The following MBD6 variants were observed in gnomAD, a reference collection of about 807,000 sequenced individuals.
MBD6 encodes the protein methyl-CpG binding domain protein 6, also known as methyl-CpG-binding domain protein 6.
A neutral mutation model predicts 66.8 loss-of-function variants in MBD6; 22 were observed. The ratio of observed to expected loss-of-function variants is 0.33; its 90% CI spans 0.24 to 0.47. The LOEUF (loss-of-function observed/expected upper bound fraction) is 0.47. Ranked by LOEUF, MBD6 falls within the 20% of genes least tolerant of loss-of-function variation. MBD6 has a pLI of 1.00. For synonymous variants in MBD6, 540 were observed against 534.6 expected, an observed-to-expected ratio of 1.01 and a Z score of -0.14; for missense variants, 1,322 against 1,286.9, an observed-to-expected ratio of 1.03 and a Z score of -0.42.
At chr12:57,522,262 T>C (rs771786790), upstream of MBD6, among the ~76,000 whole-genome samples, 2 of 152,208 alleles carry the variant, frequency 1.3e-5, no homozygotes, top group Non-Finnish European at 2.9e-5. Flanking sequence ...TGGTCTCCCC[T>C]GGCCTAAAGA....
chr12:57,527,211 C>T lies in MBD6; in HGVS notation c.2066C>T (p.Ser689Leu), dbSNP rs368214658. Residue 689 changes from serine to leucine, a missense_variant, in exon 7 of 13, where the codon TCG becomes TTG. Ser to Leu is a moderately radical substitution (Grantham distance 145). Coordinates refer to ENST00000355673, the MANE Select transcript of MBD6 (RefSeq NM_052897.4). ...CTGGCTGCCACCCTGGATCCCCCCT[C>T]GGGGACACCCCCCCAGGTGAGGATG... ...ALLAATLDPP[S>L]GTPPQPCVLS... is the part of the protein sequence containing the mutation. 34 of 1,508,974 alleles carry T rather than the reference C, an allele frequency of 2.3e-5. No individual in the cohort carries two copies. The highest frequency in any genetic ancestry group is 1.8e-4 in the Middle Eastern group (1 of 5,480). 93.5% of individuals were successfully genotyped at this position (1,508,974 alleles called of 1,614,324 possible).
chr12:57,526,008 G>C lies in MBD6; in HGVS notation c.1040G>C (p.Arg347Pro). Residue 347 changes from arginine to proline, a missense_variant, in exon 6 of 13, where the codon CGT becomes CCT. By Grantham distance (103) the Arg-to-Pro change is moderately radical. Transcript: ENST00000355673. ...PPSTLQGRRP[R>P]AQAPSASHSS... is the part of the protein sequence containing the mutation. ...AGCACTTTACAGGGCCGAAGGCCCC[G>C]TGCCCAGGCACCCTCAGCTTCCCAC... 6.2e-7 allele frequency: 1 copy of C among 1,610,546 alleles called. No individual in the cohort carries two copies. The highest frequency in any genetic ancestry group is 8.5e-7 in the Non-Finnish European group (1 of 1,179,428).
intron 2 of MBD6, 49 bp downstream of exon 2, chr12:57,524,141 AG>A: frequency 2.1e-6 from 1 of 473,966 alleles, no homozygotes. Context: ...CTCCCAGCTG[AG>A]GGGTTCCCCT....
chr12:57,525,284 A>G (rs1192072946), intron 5 of MBD6, 64 bp from the exon 6 acceptor site: 1 of 1,510,972 alleles, frequency 6.6e-7, no homozygotes, highest in Non-Finnish European at 8.9e-7. Context: ...ATGGGACTAG[A>G]GAAGACAAAA....
rs201796074 is a variant in MBD6, at chr12:57,528,310, G to A, written c.2570G>A (p.Arg857Gln). ...CTCACTGGGAGGGGGTCAGGGAAAC[G>A]GGGCCGGAGGGGAGGAGGGGGACTT... Reference protein sequence around the residue: ...ELLTGRGSGKRGRRGGGGLRG... With the variant: ...ELLTGRGSGKQGRRGGGGLRG... The change falls in exon 10 of 13, where the codon CGG becomes CAG. Residue 857 changes from arginine (R) to glutamine (Q), a missense_variant. Transcript: ENST00000355673. 1.5e-5 allele frequency: 24 copies of A among 1,606,412 alleles called. No individual in the cohort carries two copies. Among genetic ancestry groups the A allele is most frequent in the East Asian group, 2.2e-5 (1 of 44,788 alleles).
At position 57,527,350 on chromosome 12, in the gene MBD6, T is replaced by A. The variant is rs558014085; in HGVS notation, c.2082+123T>A. On this transcript the variant is annotated intron_variant, in intron 7 of 12. Coordinates refer to ENST00000355673, the MANE Select transcript of MBD6 (RefSeq NM_052897.4). ...TTGGGGCCTTTGGGGAGGCCTTAGT[T>A]CTTGGCTGGGGGTAGGATGACTGCA... The A allele has an allele frequency of 2.5e-4, 284 of 1,155,138 alleles. No homozygotes were observed. The African/African-American group carries it at 4.0e-3, about 16-fold the overall frequency. 71.6% of individuals were successfully genotyped at this position (1,155,138 alleles called of 1,614,324 possible). A position where few individuals can be genotyped will look rare whatever the true frequency, so the allele number is the denominator to read the frequency against.
In MBD6 at chr12:57,528,387, C is replaced by T. The variant is rs369607548; in HGVS notation, c.2647C>T (p.Arg883Trp). ...RPARGRKPGS[R>W]REPGRLALKW... Reference sequence around the variant, plus strand: ...AGCCCGGGGCCGAAAGCCTGGCAGCCGGCGGGAGCCTGGCCGACTGGCCCT... The same window carrying T: ...AGCCCGGGGCCGAAAGCCTGGCAGCTGGCGGGAGCCTGGCCGACTGGCCCT... The change falls in exon 10 of 13, where the codon CGG (arginine) becomes TGG (tryptophan). Residue 883 changes from arginine to tryptophan, a missense_variant. By Grantham distance (101) the Arg-to-Trp change is moderately radical. Coordinates refer to ENST00000355673, the MANE Select transcript of MBD6 (RefSeq NM_052897.4). 452 of 1,612,784 alleles carry T rather than the reference C, an allele frequency of 2.8e-4. No individual in the cohort carries two copies. The highest frequency in any genetic ancestry group is 3.6e-4 in the Non-Finnish European group (424 of 1,179,856).
intron 9 of MBD6, 44 bp from the exon 10 acceptor site, chr12:57,528,103 G>A (rs780400666): frequency 6.5e-6 from 10 of 1,548,174 alleles, no homozygotes; most frequent in Non-Finnish European, 5.2e-6. Flanking sequence ...GTAGAAGAGG[G>A]ACGGTATTTG....
rs746220579 is a variant in MBD6 at position 57,527,949 on chromosome 12, G to C, written c.2338G>C (p.Gly780Arg). The C allele has an allele frequency of 2.5e-5, 39 of 1,587,012 alleles. No homozygotes were observed. Among genetic ancestry groups the C allele is most frequent in the South Asian group, 1.5e-4 (13 of 87,512 alleles). Residue 780 changes from glycine (G) to arginine (R), a missense_variant, in exon 9 of 13, where the codon GGG becomes CGG. Coordinates refer to ENST00000355673, the MANE Select transcript of MBD6 (RefSeq NM_052897.4). ...CCAGTTGGGGCTGCAGCTCCTCCCT[G>C]GGGGGGGAGCTCCTCCACCCCTCTC... The part of the protein sequence containing the change: ...SGQLGLQLLP[G>R]GGAPPPLSEA...
upstream of MBD6, among the ~76,000 whole-genome samples, chr12:57,522,476 T>A (rs1376188710): frequency 6.6e-6 from 1 of 151,486 alleles, no homozygotes; most frequent in East Asian, 2.0e-4. Context: ...CAACAGACTG[T>A]GGCTTTGGAA....
chr12:57,522,193 G>GCTGCTCCA (rs1394201139), upstream of MBD6, among the ~76,000 whole-genome samples: 1 of 152,188 alleles, frequency 6.6e-6, no homozygotes, highest in African/African-American at 2.4e-5. Flanking sequence ...AGGCTGCTCC[G>GCTGCTCCA]CTGCTCCACA....
At position 57,525,692 on chromosome 12, in the gene MBD6, C is replaced by T; in HGVS notation, c.724C>T (p.Leu242=). The change falls in exon 6 of 13, where the codon CTG becomes TTG. Residue 242 remains leucine, a synonymous_variant. Transcript: ENST00000355673. ...CAGATCCAGCCTGGTGCCCTCTGAC[C>T]TGGGCTCTCCTCCGGCCCCTCATGC... The part of the protein sequence containing the change: ...ALRSSLVPSD[L]GSPPAPHASS... 1 of 1,614,064 alleles carries T rather than the reference C, an allele frequency of 6.2e-7. No homozygotes were observed. Among genetic ancestry groups the T allele is most frequent in the Non-Finnish European group, 8.5e-7 (1 of 1,179,984 alleles).
chr12:57,527,377 G>A, intron 7 of MBD6, 130 bp from the exon 8 acceptor site: 6 of 1,256,660 alleles, frequency 4.8e-6, no homozygotes, highest in Non-Finnish European at 6.8e-6. Context: ...ATGACTGCAA[G>A]AATTGGGTCT....
downstream of MBD6, among the ~76,000 whole-genome samples, chr12:57,531,472 A>G (rs1185782957): frequency 2.0e-5 from 3 of 152,134 alleles, no homozygotes; most frequent in African/African-American, 7.2e-5. Flanking sequence ...AGCTGAGATC[A>G]CACCACTGCA....
At chr12:57,524,897 C>T in intron 4 of MBD6, 56 bp from the exon 5 acceptor site, 4 of 1,607,458 alleles carry the variant, frequency 2.5e-6, no homozygotes, top group Non-Finnish European at 2.6e-6. Context: ...ACTGAGGTAG[C>T]CCTTCTCACA....
chr12:57,524,663 G>C, intron 3 of MBD6, 57 bp from the exon 4 acceptor site: 1 of 1,481,370 alleles, frequency 6.8e-7, no homozygotes, highest in Non-Finnish European at 9.4e-7. Context: ...TGCTTTAGGA[G>C]TATTGCCTGA....
upstream of MBD6, chr12:57,521,490 CAAAA>C (rs534002803): frequency 6.6e-6 from 1 of 152,032 alleles, no homozygotes; most frequent in Admixed American, 6.6e-5. Flanking sequence ...AACAAACAAA[CAAAA>C]AAACGGGGGT....
chr12:57,526,609 C>A lies in MBD6; in HGVS notation c.1464C>A (p.Pro488=). Residue 488 remains proline (P), a synonymous_variant, in exon 7 of 13, where the codon CCC becomes CCA. Transcript: ENST00000355673. Reference sequence around the variant, plus strand: ...CTGCCTCCAAAGCCCCAGTAGTCCCCAGCCCTGTGCTTCAAAGCCCATCCG... The same window carrying A: ...CTGCCTCCAAAGCCCCAGTAGTCCCAAGCCCTGTGCTTCAAAGCCCATCCG... The part of the protein sequence containing the change: ...PPAASKAPVV[P]SPVLQSPSEG... 6.6e-7 allele frequency: 1 copy of A among 1,513,470 alleles called. No individual in the cohort carries two copies. Among genetic ancestry groups the A allele is most frequent in the Non-Finnish European group, 8.8e-7 (1 of 1,131,986 alleles). The allele number at this position is 1,513,470 out of a possible 1,614,324, so 93.8% of individuals were successfully genotyped here. A position where few individuals can be genotyped will look rare whatever the true frequency, so the allele number is the denominator to read the frequency against.
At chr12:57,529,132 C>T (rs1879337518) in intron 12 of MBD6, 28 bp from the exon 13 acceptor site, 1 of 1,613,766 alleles carries the variant, frequency 6.2e-7, no homozygotes, top group African/African-American at 1.3e-5. Context: ...CAATTGACCA[C>T]TTCTATCAAC....
Sources: allele counts gnomAD v4.1 joint callset (sites outside exome capture counted in the v4.1 genomes callset), GRCh38; gene constraint gnomAD v4.1.1; transcripts MANE v1.5; gene names NCBI Gene and HGNC (gene_info 2026-07-23, HGNC 2026-07-21).